Variants in GRXCR1 observed in about 807,000 individuals in gnomAD.
GRXCR1 encodes the protein glutaredoxin domain-containing cysteine-rich protein 1.
Under a neutral mutation model 27.3 loss-of-function variants are expected in GRXCR1, and 27 were observed. That is an observed-to-expected ratio of 0.99 (90% CI 0.73 to 1.37). The LOEUF (loss-of-function observed/expected upper bound fraction) is 1.37. GRXCR1 is among the 40% of genes most tolerant of loss of function. The pLI is 0.00. For missense variants in GRXCR1, 379 were observed against 354.4 expected (o/e 1.07, Z -0.56); for synonymous variants, 122 against 131.1 (o/e 0.93, Z 0.47).
chr4:43,006,930 G>T (rs1452249185), intron 2 of GRXCR1, among the ~76,000 whole-genome samples: 1 of 152,078 alleles, frequency 6.6e-6, no homozygotes, highest in Non-Finnish European at 1.5e-5. Context: ...TTCTCAAGCT[G>T]GCTGACACTT....
intron 2 of GRXCR1, among the ~76,000 whole-genome samples, chr4:42,987,273 T>TAG (rs376686161): frequency 5.3e-4 from 56 of 105,766 alleles, no homozygotes; most frequent in South Asian, 1.7e-3. Flanking sequence ...TATATATATA[T>TAG]ATATAGAGAG....
intron 1 of GRXCR1, among the ~76,000 whole-genome samples, chr4:42,924,325 G>A (rs1747092817): frequency 1.3e-5 from 2 of 152,224 alleles, no homozygotes; most frequent in South Asian, 2.1e-4. Flanking sequence ...TTGTATGCAT[G>A]TGGGTGTGTG....
Position 42,908,045 on chromosome 4 carries a change from G to A in GRXCR1, c.384+14395G>A, listed in dbSNP as rs549150437. On this transcript the variant is annotated intron_variant, in intron 1 of 3. Coordinates refer to ENST00000399770, the MANE Select transcript of GRXCR1 (RefSeq NM_001080476.3). Reference sequence around the variant, plus strand: ...GAGTGATGCTGCCTTCCTACAGGGGGGTCATCTCCTGAACTGATGCATCAG... The same window carrying A: ...GAGTGATGCTGCCTTCCTACAGGGGAGTCATCTCCTGAACTGATGCATCAG... Among the ~76,000 whole-genome samples, 6 of 152,190 alleles carry A rather than the reference G, an allele frequency of 3.9e-5. No individual in the cohort carries two copies. In the South Asian group the frequency reaches 1.0e-3, roughly 26 times the overall value.
intron 3 of GRXCR1, among the ~76,000 whole-genome samples, chr4:43,025,973 C>G (rs1713245825): frequency 8.3e-6 from 1 of 120,664 alleles, no homozygotes; most frequent in Non-Finnish European, 1.7e-5. Context: ...GAAACTCCGT[C>G]TCAAAAAAAA....
chr4:42,901,011 C>A (rs1746448485), intron 1 of GRXCR1, among the ~76,000 whole-genome samples: 1 of 152,178 alleles, frequency 6.6e-6, no homozygotes, highest in African/African-American at 2.4e-5. Flanking sequence ...GCGCATCTAG[C>A]AGAAGGGATG....
chr4:43,002,025 A>G (rs1455137777), intron 2 of GRXCR1, among the ~76,000 whole-genome samples: 4 of 152,224 alleles, frequency 2.6e-5, no homozygotes, highest in Non-Finnish European at 5.9e-5. Flanking sequence ...AGGCAGCATT[A>G]CTGCAAACAT....
At chr4:43,003,067 T>A (rs1376682045) in intron 2 of GRXCR1, among the ~76,000 whole-genome samples, 1 of 152,150 alleles carries the variant, frequency 6.6e-6, no homozygotes, top group Non-Finnish European at 1.5e-5. Context: ...ATGAAGAAGA[T>A]CCTTTCTTCC....
chr4:42,946,404 G>A (rs1029947911), intron 1 of GRXCR1, among the ~76,000 whole-genome samples: 36 of 151,976 alleles, frequency 2.4e-4, no homozygotes, highest in Non-Finnish European at 3.5e-4. Context: ...TATTATCCTA[G>A]TGTGAAAAGT....
chr4:42,989,988 T>C (rs1711909860), intron 2 of GRXCR1, among the ~76,000 whole-genome samples: 1 of 151,910 alleles, frequency 6.6e-6, no homozygotes, highest in African/African-American at 2.4e-5. Flanking sequence ...ATTTAATAAT[T>C]GAAGAAAGTT....
chr4:42,938,439 A>G (rs1747509380), intron 1 of GRXCR1, among the ~76,000 whole-genome samples: 1 of 151,942 alleles, frequency 6.6e-6, no homozygotes, highest in Non-Finnish European at 1.5e-5. Context: ...TCTTTTGTTT[A>G]TATACCTAGC....
intron 3 of GRXCR1, among the ~76,000 whole-genome samples, chr4:43,029,391 G>A (rs972812594): frequency 2.0e-5 from 3 of 152,074 alleles, no homozygotes; most frequent in Non-Finnish European, 4.4e-5. Context: ...CCTTCACAAA[G>A]CCAGGGTTTC....
At chr4:42,919,935 A>C (rs1036332271) in intron 1 of GRXCR1, among the ~76,000 whole-genome samples, 1 of 152,120 alleles carries the variant, frequency 6.6e-6, no homozygotes, top group African/African-American at 2.4e-5. Context: ...GAAATGGAAT[A>C]TAGAGTTATG....
intron 1 of GRXCR1, among the ~76,000 whole-genome samples, chr4:42,957,646 G>A (rs1262370046): frequency 6.6e-6 from 1 of 151,584 alleles, no homozygotes; most frequent in Non-Finnish European, 1.5e-5. Context: ...CTCTGACTAT[G>A]TAGTTTCAAA....
intron 1 of GRXCR1, among the ~76,000 whole-genome samples, chr4:42,904,802 C>T (rs547714956): frequency 6.6e-6 from 1 of 152,158 alleles, no homozygotes; most frequent in Non-Finnish European, 1.5e-5. Context: ...TGATTTCAGT[C>T]CTCAGAGAAT....
intron 2 of GRXCR1, among the ~76,000 whole-genome samples, chr4:42,976,654 A>T (rs751908929): frequency 1.3e-5 from 2 of 152,036 alleles, no homozygotes; most frequent in Admixed American, 6.6e-5. Flanking sequence ...TTTTGCATGT[A>T]TGTAATTTTT....
At chr4:42,949,354 C>CAAAAA (rs10622265) in intron 1 of GRXCR1, among the ~76,000 whole-genome samples, 3 of 81,142 alleles carry the variant, frequency 3.7e-5, no homozygotes, top group South Asian at 5.8e-4. Context: ...GACTCCATCT[C>CAAAAA]AAAAAAAAAA....
chr4:42,970,336 C>G (rs1315693628), intron 2 of GRXCR1, among the ~76,000 whole-genome samples: 1 of 152,240 alleles, frequency 6.6e-6, no homozygotes. Context: ...TATGAGGGGG[C>G]TCCAACCTCA....
chr4:42,917,947 T>C (rs1459467903), intron 1 of GRXCR1, among the ~76,000 whole-genome samples: 1 of 152,186 alleles, frequency 6.6e-6, no homozygotes, highest in African/African-American at 2.4e-5. Flanking sequence ...CTTACTTTTA[T>C]CTGTGTATAA....
Position 42,905,640 on chromosome 4 carries a change from A to T in GRXCR1, c.384+11990A>T, listed in dbSNP as rs368180405. Among the ~76,000 whole-genome samples the T allele has an allele frequency of 9.2e-5, 14 of 152,180 alleles. No individual in the cohort carries two copies. The East Asian group carries it at 2.7e-3, about 29-fold the overall frequency. ...ATGTCCTCTCATGGATTCAAAATGG[A>T]TGCCATAGCTTACAGCCAGACCAGA... On this transcript the variant is annotated intron_variant, in intron 1 of 3. Transcript: ENST00000399770.
Sources: gnomAD v4.1 joint callset for allele counts (sites outside exome capture counted in the v4.1 genomes callset) on GRCh38, gnomAD v4.1.1 for gene constraint, MANE v1.5 for transcripts, NCBI Gene and HGNC (gene_info 2026-07-23, HGNC 2026-07-21) for gene names.